Variants in COL13A1 observed in about 807,000 individuals in gnomAD.
COL13A1 encodes collagen alpha-1(XIII) chain.
In COL13A1, 89 loss-of-function variants were observed where a neutral mutation model predicts 130.9. The ratio of observed to expected loss-of-function variants is 0.68; its 90% CI spans 0.57 to 0.81. The LOEUF (loss-of-function observed/expected upper bound fraction) is 0.81, where lower values mean the gene tolerates loss of function less well. Among genes scored for constraint, COL13A1 ranks in the 30% least tolerant of loss-of-function variants. The probability of loss-of-function intolerance (pLI) is 0.00; values close to 1 mark genes in which losing one functional copy is unlikely to be tolerated. For synonymous variants in COL13A1, 402 were observed against 341.6 expected (o/e 1.18, Z -1.95); for missense variants, 879 against 934.6 (o/e 0.94, Z 0.78).
intron 9 of COL13A1, 138 bp from the exon 10 acceptor site, chr10:69,889,276 G>A (rs949154369): frequency 1.8e-6 from 2 of 1,094,090 alleles, no homozygotes; most frequent in East Asian, 2.6e-5. Flanking sequence ...GCCAGAAGGT[G>A]CAGATGGAGC....
chr10:69,848,406 T>C (rs565212780), intron 2 of COL13A1, among the ~76,000 whole-genome samples: 1 of 152,338 alleles, frequency 6.6e-6, no homozygotes, highest in South Asian at 2.1e-4. Flanking sequence ...CTGGTACTAT[T>C]AGTTCCACTT....
At chr10:69,835,496 C>T (rs1038282949) in intron 2 of COL13A1, among the ~76,000 whole-genome samples, 6 of 152,110 alleles carry the variant, frequency 3.9e-5, no homozygotes, top group South Asian at 4.1e-4. Context: ...GCCACTAAGG[C>T]GACTTGGGTG....
chr10:69,834,266 G>C (rs1222322774), intron 2 of COL13A1, among the ~76,000 whole-genome samples: 2 of 152,168 alleles, frequency 1.3e-5, no homozygotes, highest in East Asian at 1.9e-4. Flanking sequence ...ACCTCCTGCT[G>C]TGAGGCCTGG....
intron 2 of COL13A1, among the ~76,000 whole-genome samples, chr10:69,853,208 G>A (rs772668226): frequency 1.1e-4 from 16 of 152,196 alleles, no homozygotes; most frequent in Non-Finnish European, 2.2e-4. Flanking sequence ...GAAGCCACCA[G>A]AGACGCCTCA....
chr10:69,804,752 C>T (rs1589113355), intron 1 of COL13A1, among the ~76,000 whole-genome samples: 1 of 126,556 alleles, frequency 7.9e-6, no homozygotes, highest in Non-Finnish European at 1.6e-5. Context: ...CCCTCCTAAA[C>T]TTACATACAG....
intron 14 of COL13A1, among the ~76,000 whole-genome samples, chr10:69,899,694 A>G (rs754852163): frequency 1.3e-5 from 2 of 152,214 alleles, no homozygotes; most frequent in African/African-American, 4.8e-5. Context: ...GGAGCAGATC[A>G]CAAAGAACAA....
chr10:69,844,304 G>A (rs1440579392), intron 2 of COL13A1, among the ~76,000 whole-genome samples: 1 of 152,232 alleles, frequency 6.6e-6, no homozygotes, highest in Admixed American at 6.5e-5. Flanking sequence ...CACTCCCTAA[G>A]TATTTGTGGG....
chr10:69,822,316 G>T, intron 1 of COL13A1, 53 bp from the exon 2 acceptor site: 1 of 1,431,516 alleles, frequency 7.0e-7, no homozygotes, highest in Non-Finnish European at 9.4e-7. Context: ...TGCTTTCCAG[G>T]GCTTGGTGTC....
chr10:69,864,524 A>G (rs1252244090), intron 2 of COL13A1, among the ~76,000 whole-genome samples: 1 of 152,060 alleles, frequency 6.6e-6, no homozygotes, highest in East Asian at 1.9e-4. Flanking sequence ...ATAAATGCTT[A>G]AAAAAATGAA....
At chr10:69,861,924 A>G (rs1386102910) in intron 2 of COL13A1, among the ~76,000 whole-genome samples, 1 of 152,160 alleles carries the variant, frequency 6.6e-6, no homozygotes, top group Non-Finnish European at 1.5e-5. Context: ...AGATGTCATC[A>G]TAGGACAGAT....
In COL13A1 at chr10:69,887,538, G is replaced by T. The variant is rs771767025; in HGVS notation, c.549+47G>T. 6 of 1,603,900 alleles carry T rather than the reference G, an allele frequency of 3.7e-6. No homozygotes were observed. In the South Asian group the frequency reaches 4.4e-5, roughly 12 times the overall value. On this transcript the variant is annotated intron_variant, in intron 8 of 40. Transcript: ENST00000645393. ...TAGCTGTGTCCCAGGTGGTCTGTAG[G>T]CCTGATTGGGTTAAACTTCATCTGA...
At chr10:69,918,408 T>A in intron 19 of COL13A1, 91 bp downstream of exon 19, 1 of 1,319,108 alleles carries the variant, frequency 7.6e-7, no homozygotes, top group Non-Finnish European at 1.1e-6. Flanking sequence ...GTGGGGTGGC[T>A]GCCAGACCAA....
intron 2 of COL13A1, among the ~76,000 whole-genome samples, chr10:69,846,290 G>A (rs987894887): frequency 1.3e-5 from 2 of 152,162 alleles, no homozygotes; most frequent in African/African-American, 4.8e-5. Flanking sequence ...GGCTGGGGGA[G>A]AGTGTCCTGG....
At chr10:69,850,530 G>C (rs930988670) in intron 2 of COL13A1, among the ~76,000 whole-genome samples, 1 of 150,886 alleles carries the variant, frequency 6.6e-6, no homozygotes, top group Admixed American at 6.6e-5. Flanking sequence ...GGCCTCCTGC[G>C]TCTGGAGGAA....
chr10:69,811,131 C>G (rs1420682666), intron 1 of COL13A1, among the ~76,000 whole-genome samples: 1 of 152,246 alleles, frequency 6.6e-6, no homozygotes, highest in East Asian at 1.9e-4. Context: ...CCTTGCCTGC[C>G]TCCTCAAGTC....
At chr10:69,907,490 G>A (rs2062880923) in intron 17 of COL13A1, among the ~76,000 whole-genome samples, 1 of 152,152 alleles carries the variant, frequency 6.6e-6, no homozygotes. Flanking sequence ...GAGAACACGA[G>A]CAAGAGAAGG....
In COL13A1 at chr10:69,952,955, C is replaced by A; in HGVS notation, c.2132C>A (p.Ala711Asp). The A allele has an allele frequency of 6.5e-7, 1 of 1,542,638 alleles. No individual in the cohort carries two copies. Among genetic ancestry groups the A allele is most frequent in the South Asian group, 1.3e-5 (1 of 78,664 alleles). ...KGDQGAPGLD[A>D]PCPLGEDGLP... ...GACCAAGGAGCGCCTGGATTAGATG[C>A]CCCCTGCCCATTGGTATGTTTTTGT... Residue 711 changes from alanine (A) to aspartate (D), a missense_variant, in exon 39 of 41, where the codon GCC (alanine) becomes GAC (aspartate). Ala to Asp is a moderately radical substitution (Grantham distance 126). Transcript: ENST00000645393.
intron 27 of COL13A1, among the ~76,000 whole-genome samples, chr10:69,927,770 C>G (rs1440588472): frequency 6.6e-6 from 1 of 152,210 alleles, no homozygotes; most frequent in Non-Finnish European, 1.5e-5. Context: ...ATGGCACAAA[C>G]TCACAATCAA....
chr10:69,804,538 A>G (rs1840926831), intron 1 of COL13A1, among the ~76,000 whole-genome samples: 1 of 151,558 alleles, frequency 6.6e-6, no homozygotes, highest in African/African-American at 2.4e-5. Context: ...TCTGAACTGA[A>G]CCCCATTTTT....
Sources: gnomAD v4.1 joint callset for allele counts (sites outside exome capture counted in the v4.1 genomes callset) on GRCh38, gnomAD v4.1.1 for gene constraint, MANE v1.5 for transcripts, NCBI Gene and HGNC (gene_info 2026-07-23, HGNC 2026-07-21) for gene names.